The following AHCYL2 variants were observed in gnomAD, a reference collection of about 807,000 sequenced individuals.
AHCYL2 encodes the protein S-adenosylhomocysteine hydrolase-like protein 2.
A neutral mutation model predicts 81.4 loss-of-function variants in AHCYL2; 28 were observed. That is an observed-to-expected ratio of 0.34 (90% CI 0.25 to 0.47). The LOEUF is 0.47. AHCYL2 is among the 20% of genes least tolerant of loss of function. AHCYL2 has a pLI of 1.00. For missense variants in AHCYL2, 551 were observed against 785.1 expected (o/e 0.70, Z 3.56); for synonymous variants, 272 against 290.2 (o/e 0.94, Z 0.64).
In AHCYL2 at chr7:129,428,786, A is replaced by G. The variant is rs1290673654; in HGVS notation, c.*1741A>G. On this transcript the variant is annotated 3_prime_UTR_variant, in exon 17 of 17. Transcript: ENST00000325006. ...ATGACTGTTTGCCTCATTTAATAGT[A>G]TACAGGCTCAGCCCATAGACTACAG... is the stretch of plus-strand genomic sequence containing the variant. The G allele has an allele frequency of 6.6e-6, 1 of 152,204 alleles. No individual in the cohort carries two copies. Among genetic ancestry groups the G allele is most frequent in the Non-Finnish European group, 1.5e-5 (1 of 68,034 alleles). 9.4% of individuals were successfully genotyped at this position (152,204 alleles called of 1,614,324 possible).
At chr7:129,349,317 G>A (rs1030902326) in intron 1 of AHCYL2, among the ~76,000 whole-genome samples, 8 of 151,874 alleles carry the variant, frequency 5.3e-5, no homozygotes, top group African/African-American at 1.7e-4. Context: ...GATAAAATTG[G>A]AGGTTTGTAT....
intron 2 of AHCYL2, chr7:129,388,733 T>C (rs1291992196): frequency 4.3e-6 from 1 of 229,994 alleles, no homozygotes; most frequent in Non-Finnish European, 8.4e-6. Flanking sequence ...AACCCATATG[T>C]TAATGACCAC....
At chr7:129,383,350 G>T (rs1319805990) in intron 2 of AHCYL2, among the ~76,000 whole-genome samples, 1 of 151,774 alleles carries the variant, frequency 6.6e-6, no homozygotes, top group East Asian at 1.9e-4. Context: ...AAATTTTTTT[G>T]TAGAGATAGG....
At chr7:129,359,721 T>C (rs1793867029) in intron 1 of AHCYL2, among the ~76,000 whole-genome samples, 1 of 152,200 alleles carries the variant, frequency 6.6e-6, no homozygotes, top group Non-Finnish European at 1.5e-5. Flanking sequence ...CAGCTTTAGC[T>C]AGAGGTGCTA....
intron 2 of AHCYL2, among the ~76,000 whole-genome samples, chr7:129,383,191 G>A (rs935804711): frequency 1.7e-4 from 25 of 151,442 alleles, no homozygotes; most frequent in Admixed American, 1.5e-3. Flanking sequence ...TAAGAGACAG[G>A]GTCTTGCTTT....
At chr7:129,245,257 T>TCA (rs1209204077) in intron 1 of AHCYL2, among the ~76,000 whole-genome samples, 1 of 152,178 alleles carries the variant, frequency 6.6e-6, no homozygotes, top group Non-Finnish European at 1.5e-5. Flanking sequence ...ACTCCTGACC[T>TCA]CAGGTGATCG....
At chr7:129,316,569 G>A (rs1405475) in intron 1 of AHCYL2, among the ~76,000 whole-genome samples, 9,397 of 152,182 alleles carry the variant, frequency 0.062, 938 homozygotes, top group African/African-American at 0.21. Context: ...AAATATTTTG[G>A]TCTTGTGAAT....
chr7:129,394,263 G>T (rs1043989057), intron 4 of AHCYL2, among the ~76,000 whole-genome samples: 1 of 151,866 alleles, frequency 6.6e-6, no homozygotes. Flanking sequence ...TCCTGCCTCA[G>T]CCTTTCAAAG....
At chr7:129,388,828 A>C in intron 2 of AHCYL2, 2 of 455,278 alleles carry the variant, frequency 4.4e-6, no homozygotes, top group Non-Finnish European at 7.7e-6. Flanking sequence ...CGTGTTCTGA[A>C]GATAAAGTTA....
chr7:129,297,805 T>C (rs1797105014), intron 1 of AHCYL2, among the ~76,000 whole-genome samples: 1 of 152,222 alleles, frequency 6.6e-6, no homozygotes, highest in East Asian at 1.9e-4. Context: ...GGGAAGATCC[T>C]TTGAACCTGG....
Position 129,427,607 on chromosome 7 carries a change from A to G in AHCYL2, c.*562A>G, listed in dbSNP as rs757305251. On this transcript the variant is annotated 3_prime_UTR_variant, in exon 17 of 17. Coordinates refer to ENST00000325006, the MANE Select transcript of AHCYL2 (RefSeq NM_015328.4). This position sits in a 1 kb window ranked among gnomAD's most constrained non-coding sequence, Gnocchi z 5.5. ...TTTATGGCTTTGCCAAGCTACATCA[A>G]GAACTCAGCTGTGCTGTGCCTACCA... 4 of 152,916 alleles carry G rather than the reference A, an allele frequency of 2.6e-5. No homozygotes were observed. Among genetic ancestry groups the G allele is most frequent in the Admixed American group, 6.5e-5 (1 of 15,292 alleles). The allele number at this position is 152,916 out of a possible 1,614,324, so 9.5% of individuals were successfully genotyped here. A position where few individuals can be genotyped will look rare whatever the true frequency, so the allele number is the denominator to read the frequency against.
intron 1 of AHCYL2, among the ~76,000 whole-genome samples, chr7:129,257,549 A>G (rs1795470522): frequency 6.6e-6 from 1 of 152,166 alleles, no homozygotes; most frequent in Non-Finnish European, 1.5e-5. Flanking sequence ...TGGTGGAAGT[A>G]TGGACTGGTC....
At chr7:129,327,647 G>A (rs886449414) in intron 1 of AHCYL2, among the ~76,000 whole-genome samples, 26 of 152,008 alleles carry the variant, frequency 1.7e-4, no homozygotes, top group African/African-American at 6.0e-4. Context: ...TGTATTTTTT[G>A]TAGAGACGAG....
At chr7:129,272,025 G>A (rs559937021) in intron 1 of AHCYL2, among the ~76,000 whole-genome samples, 8 of 152,240 alleles carry the variant, frequency 5.3e-5, no homozygotes, top group East Asian at 3.9e-4. Context: ...TAACATTCTG[G>A]GACTTTCAAG....
At chr7:129,287,514 T>G (rs151025980) in intron 1 of AHCYL2, among the ~76,000 whole-genome samples, 1 of 152,326 alleles carries the variant, frequency 6.6e-6, no homozygotes, top group East Asian at 1.9e-4. Context: ...TTAATGTGCT[T>G]TTTAAAAGTA....
In AHCYL2 at chr7:129,426,710, C is replaced by T. The variant is rs1314745350; in HGVS notation, c.1829+147C>T. The T allele has an allele frequency of 8.8e-6, 9 of 1,028,114 alleles. No homozygotes were observed. Among genetic ancestry groups the T allele is most frequent in the Non-Finnish European group, 1.2e-5 (9 of 753,132 alleles). The allele number at this position is 1,028,114 out of a possible 1,614,324, so 63.7% of individuals were successfully genotyped here. A position where few individuals can be genotyped will look rare whatever the true frequency, so the allele number is the denominator to read the frequency against. On this transcript the variant is annotated intron_variant, in intron 16 of 16. Coordinates refer to ENST00000325006, the MANE Select transcript of AHCYL2 (RefSeq NM_015328.4). The surrounding 1 kb of genome is among the most constrained non-coding windows in gnomAD (Gnocchi z 4.3). ...CCCTCACTGCCACCTTCAAAAGACT[C>T]TTCAAGGCCTTAAATAGTATTCCCC...
At chr7:129,283,645 T>G (rs1302966893) in intron 1 of AHCYL2, among the ~76,000 whole-genome samples, 4 of 152,162 alleles carry the variant, frequency 2.6e-5, no homozygotes, top group African/African-American at 9.7e-5. Flanking sequence ...TTTTAAGTGT[T>G]TTTTGGTATT....
At chr7:129,403,595 G>A (rs13230585) in intron 7 of AHCYL2, 110 bp downstream of exon 7, 15,102 of 591,188 alleles carry the variant, frequency 0.026, 266 homozygotes, top group Admixed American at 0.065. Context: ...CAGGCGCGGT[G>A]GCTCACGCCT....
rs1279352963 is a variant in AHCYL2 at position 129,233,356 on chromosome 7, AT to A, written c.363+7924del. ...TGCTACCACGCCTGGCTATTTTTTT[AT>A]TTTTTTGTAGAGACGGTATCTTGCC... On this transcript the variant is annotated intron_variant, in intron 1 of 16. Transcript: ENST00000325006. Among the ~76,000 whole-genome samples, 3 of 151,194 alleles carry A rather than the reference AT, an allele frequency of 2.0e-5. 1 individual carries two copies. Among genetic ancestry groups the A allele is most frequent in the Non-Finnish European group, 4.4e-5 (3 of 67,806 alleles).
Sources: gnomAD v4.1 joint callset for allele counts (sites outside exome capture counted in the v4.1 genomes callset) on GRCh38, gnomAD v4.1.1 for gene constraint, Gnocchi (gnomAD v3.1) non-coding constraint, MANE v1.5 for transcripts, NCBI Gene and HGNC (gene_info 2026-07-23, HGNC 2026-07-21) for gene names.